Variants in ALLC observed in about 807,000 individuals in gnomAD.
ALLC encodes the protein allantoicase, also known as probable inactive allantoicase.
A neutral mutation model predicts 45.0 loss-of-function variants in ALLC; 40 were observed. That is an observed-to-expected ratio of 0.89 (90% CI 0.69 to 1.16). ALLC has a LOEUF of 1.16. ALLC is among the 50% of genes most tolerant of loss of function. The probability of loss-of-function intolerance (pLI) is 0.00; values close to 1 mark genes in which losing one functional copy is unlikely to be tolerated. For synonymous variants in ALLC, 176 were observed against 178.1 expected, an observed-to-expected ratio of 0.99 and a Z score of 0.09; for missense variants, 488 against 493.1, an observed-to-expected ratio of 0.99 and a Z score of 0.10.
intron 7 of ALLC, among the ~76,000 whole-genome samples, chr2:3,685,897 A>T (rs1667325253): frequency 6.6e-6 from 1 of 150,784 alleles, no homozygotes; most frequent in Non-Finnish European, 1.5e-5. Flanking sequence ...CCCTTCTTAG[A>T]TGGATAGTTT....
intron 2 of ALLC, among the ~76,000 whole-genome samples, chr2:3,671,630 G>A (rs1006290930): frequency 7.0e-6 from 1 of 143,760 alleles, no homozygotes; most frequent in Non-Finnish European, 1.5e-5. Flanking sequence ...TGGTTAGATG[G>A]GAGGTCCCCT....
At chr2:3,664,372 G>C (rs538795663) in intron 1 of ALLC, among the ~76,000 whole-genome samples, 1 of 152,110 alleles carries the variant, frequency 6.6e-6, no homozygotes, top group South Asian at 2.1e-4. Flanking sequence ...TGAGTAGCAG[G>C]GTCTTAACTA....
Position 3,696,300 on chromosome 2 carries a change from G to A in ALLC, c.693G>A (p.Ala231=), listed in dbSNP as rs372774798. Residue 231 remains alanine (A), a synonymous_variant, in exon 9 of 12, where the codon GCG becomes GCA. Transcript: ENST00000252505. The part of the protein sequence containing the change: ...IIGVGGAKSM[A]DGWETARRLD... ...GAGTTGGCGGGGCAAAGTCTATGGC[G>A]GATGGTTGGGAAACTGCAAGAAGGC... The A allele has an allele frequency of 1.1e-5, 17 of 1,613,138 alleles. No homozygotes were observed. The African/African-American group carries it at 1.5e-4, about 14-fold the overall frequency.
the ALLC span, among the ~76,000 whole-genome samples, chr2:3,652,463 C>CA: frequency 6.6e-6 from 1 of 151,978 alleles, no homozygotes; most frequent in African/African-American, 2.4e-5. Flanking sequence ...GGCTGGGAAG[C>CA]ACATATTTTT....
intron 7 of ALLC, among the ~76,000 whole-genome samples, chr2:3,686,658 C>T (rs1035794638): frequency 4.6e-5 from 7 of 150,950 alleles, no homozygotes; most frequent in South Asian, 2.1e-4. Context: ...TCTTTCACTT[C>T]GTAGGATAAA....
chr2:3,647,102 C>T, the ALLC span, among the ~76,000 whole-genome samples: 2 of 152,118 alleles, frequency 1.3e-5, no homozygotes, highest in Admixed American at 1.3e-4. Flanking sequence ...CTCTCTGGTT[C>T]GCTGAGGTGG....
intron 10 of ALLC, among the ~76,000 whole-genome samples, chr2:3,701,237 C>T (rs559001006): frequency 2.0e-5 from 3 of 152,270 alleles, no homozygotes; most frequent in African/African-American, 2.4e-5. Context: ...AAAGTGAGAA[C>T]GCTATACATG....
chr2:3,669,252 T>C (rs1234596194), intron 1 of ALLC, among the ~76,000 whole-genome samples: 1 of 152,032 alleles, frequency 6.6e-6, no homozygotes, highest in Non-Finnish European at 1.5e-5. Context: ...GGTGGGTGGA[T>C]CACGAAGTCA....
intron 1 of ALLC, among the ~76,000 whole-genome samples, chr2:3,659,258 G>A (rs1309236689): frequency 6.6e-6 from 1 of 152,080 alleles, no homozygotes; most frequent in African/African-American, 2.4e-5. Flanking sequence ...GACTTGCCTG[G>A]TCATGCCTTT....
chr2:3,649,758 G>A, the ALLC span, among the ~76,000 whole-genome samples: 3,290 of 152,324 alleles, frequency 0.022, 132 homozygotes, highest in African/African-American at 0.075. Context: ...CACAGGGACC[G>A]GGCAGACACA....
intron 10 of ALLC, among the ~76,000 whole-genome samples, chr2:3,698,777 TA>T (rs1484959661): frequency 2.5e-4 from 38 of 151,374 alleles, no homozygotes; most frequent in Non-Finnish European, 4.9e-4. Flanking sequence ...TTTATTTAAT[TA>T]TACTTTAAGT....
intron 3 of ALLC, among the ~76,000 whole-genome samples, chr2:3,675,753 TCCACGC>T (rs1180606989): frequency 2.0e-5 from 3 of 152,242 alleles, no homozygotes; most frequent in Non-Finnish European, 4.4e-5. Flanking sequence ...TGAGTGCCAG[TCCACGC>T]CCTCCCTTTC....
At chr2:3,698,817 T>A (rs1173250554) in intron 10 of ALLC, among the ~76,000 whole-genome samples, 1 of 152,120 alleles carries the variant, frequency 6.6e-6, no homozygotes, top group East Asian at 1.9e-4. Context: ...AACGTGCGGG[T>A]TTGTTACATA....
At chr2:3,674,024 G>A in intron 2 of ALLC, 51 bp from the exon 3 acceptor site, 1 of 1,312,198 alleles carries the variant, frequency 7.6e-7, no homozygotes, top group Non-Finnish European at 1.1e-6. Context: ...GAAATAAAAT[G>A]GTATCAGATT....
intron 7 of ALLC, 107 bp from the exon 8 acceptor site, chr2:3,695,610 C>T (rs752760731): frequency 7.4e-7 from 1 of 1,355,926 alleles, no homozygotes; most frequent in Non-Finnish European, 1.0e-6. Context: ...TGGGTGTGGC[C>T]AAAGCCTACC....
At chr2:3,692,726 G>C (rs1408758266) in intron 7 of ALLC, among the ~76,000 whole-genome samples, 2 of 152,180 alleles carry the variant, frequency 1.3e-5, no homozygotes, top group African/African-American at 4.8e-5. Flanking sequence ...TGGTGTTGCT[G>C]AACAGCAACT....
intron 6 of ALLC, among the ~76,000 whole-genome samples, chr2:3,682,488 T>C (rs1002437742): frequency 6.6e-6 from 1 of 152,218 alleles, no homozygotes; most frequent in Non-Finnish European, 1.5e-5. Context: ...ACTATTTTTA[T>C]TAAAGTGTTT....
At chr2:3,652,016 G>A in the ALLC span, among the ~76,000 whole-genome samples, 4 of 152,182 alleles carry the variant, frequency 2.6e-5, no homozygotes, top group South Asian at 2.1e-4. Context: ...AGAACCACAC[G>A]TTTCTTAGTT....
upstream of ALLC, among the ~76,000 whole-genome samples, chr2:3,654,162 G>T (rs887026154): frequency 1.3e-5 from 2 of 152,232 alleles, no homozygotes; most frequent in African/African-American, 4.8e-5. Flanking sequence ...ATCCTGCCAT[G>T]TGGGCCTCTC....
Sources: gnomAD v4.1 joint callset for allele counts (sites outside exome capture counted in the v4.1 genomes callset) on GRCh38, gnomAD v4.1.1 for gene constraint, MANE v1.5 for transcripts, NCBI Gene and HGNC (gene_info 2026-07-23, HGNC 2026-07-21) for gene names.